Variants in PAK3 observed in about 807,000 individuals in gnomAD.
The protein encoded by PAK3 is p21 (RAC1) activated kinase 3.
In PAK3, 4 loss-of-function variants were observed where a neutral mutation model predicts 41.0. That is an observed-to-expected ratio of 0.10 (90% confidence interval 0.05 to 0.22). The LOEUF is 0.22. PAK3 is among the 10% of genes least tolerant of loss of function. The pLI is 1.00. For missense variants in PAK3, 205 were observed against 409.9 expected (o/e 0.50, Z 4.32); for synonymous variants, 146 against 139.6 (o/e 1.05, Z -0.32).
intron 5 of PAK3, among the ~76,000 whole-genome samples, chrX:111,127,300 C>A (rs940083070): frequency 9.0e-6 from 1 of 111,374 alleles, no homozygotes; most frequent in Non-Finnish European, 1.9e-5. Flanking sequence ...TGTAATTTCA[C>A]AATGTCTTTT....
At chrX:111,219,617 G>C (rs2094911353) in intron 17 of PAK3, among the ~76,000 whole-genome samples, 1 of 111,222 alleles carries the variant, frequency 9.0e-6, no homozygotes, top group Admixed American at 9.6e-5. Context: ...GGAAAACTAG[G>C]ACCAGAGTTC....
chrX:110,965,817 T>C, intron 1 of PAK3, among the ~76,000 whole-genome samples: 1 of 112,126 alleles, frequency 8.9e-6, no homozygotes, highest in Middle Eastern at 4.6e-3. Flanking sequence ...ATTCACTAAA[T>C]CCTCAAAATG....
At chrX:111,184,857 C>T (rs6642873) in intron 11 of PAK3, among the ~76,000 whole-genome samples, 14,076 of 111,051 alleles carry the variant, frequency 0.13, 1,786 homozygotes, top group African/African-American at 0.4. Context: ...CTGCAATAAA[C>T]GTACATGTAC....
chrX:111,022,656 A>G (rs1008270794), intron 1 of PAK3, among the ~76,000 whole-genome samples: 1 of 111,637 alleles, frequency 9.0e-6, no homozygotes, highest in African/African-American at 3.3e-5. Context: ...GGCAACAAAT[A>G]ACACAATGAA....
At chrX:110,991,717 G>C (rs1335646547) in intron 1 of PAK3, among the ~76,000 whole-genome samples, 1 of 111,950 alleles carries the variant, frequency 8.9e-6, no homozygotes, top group Non-Finnish European at 1.9e-5. Flanking sequence ...GACACATCTT[G>C]TTATTATTTT....
At chrX:110,983,480 C>CAGAGAGAGAG (rs768492408) in intron 1 of PAK3, among the ~76,000 whole-genome samples, 107 of 99,630 alleles carry the variant, frequency 1.1e-3, no homozygotes, top group African/African-American at 3.2e-3. Context: ...AAGAGAAAGA[C>CAGAGAGAGAG]AGAGAGAGAG....
intron 8 of PAK3, among the ~76,000 whole-genome samples, chrX:111,161,340 G>C (rs2094185249): frequency 9.0e-6 from 1 of 110,975 alleles, no homozygotes; most frequent in African/African-American, 3.3e-5. Context: ...AAATTTGTTT[G>C]AGTTCATTGT....
chrX:111,125,197 C>G (rs1289904082), intron 5 of PAK3, among the ~76,000 whole-genome samples: 1 of 111,733 alleles, frequency 8.9e-6, no homozygotes, highest in African/African-American at 3.3e-5. Context: ...GAGATAACTT[C>G]CCAAAGAGGC....
chrX:110,986,976 G>C (rs1478400287), intron 1 of PAK3, among the ~76,000 whole-genome samples: 1 of 112,289 alleles, frequency 8.9e-6, no homozygotes, highest in Non-Finnish European at 1.9e-5. Context: ...GGCAGAAACA[G>C]AGGGATGTTC....
chrX:111,069,435 C>A (rs1429155855), intron 1 of PAK3, among the ~76,000 whole-genome samples: 2 of 111,793 alleles, frequency 1.8e-5, no homozygotes, highest in Non-Finnish European at 3.8e-5. Flanking sequence ...TGCCTTCTTG[C>A]TCTTCAAACC....
In PAK3 at chrX:111,220,945, C is replaced by CAAAAAAAAAAAAAAAAAAAAAACAA; in HGVS notation, c.*515_*516insAAAAACAAAAAAAAAAAAAAAAAAA. 1 of 49,447 alleles carries CAAAAAAAAAAAAAAAAAAAAAACAA rather than the reference C, an allele frequency of 2.0e-5. No homozygotes were observed. Among genetic ancestry groups the CAAAAAAAAAAAAAAAAAAAAAACAA allele is most frequent in the African/African-American group, 8.5e-5 (1 of 11,723 alleles). The allele number at this position is 49,447 out of a possible 1,213,427, so 4.1% of individuals were successfully genotyped here. ...AAAAAAGAAAGCAAAAAAAGCAAGG[C>CAAAAAAAAAAAAAAAAAAAAAACAA]AAAAAAAAAAAAAAAAACAAACAAA... On this transcript the variant is annotated 3_prime_UTR_variant, in exon 18 of 18. Transcript: ENST00000372007.
Position 111,003,757 on chromosome X carries a change from G to A in PAK3, c.-28+59129G>A, listed in dbSNP as rs187086983. ...TTCAGCAAGCAGACACAGTGGAGTA[G>A]GAGGGGTTATTTCCAAAGAAGACAA... is the stretch of plus-strand genomic sequence containing the variant. On this transcript the variant is annotated intron_variant, in intron 1 of 14. Transcript: ENST00000425146. Among the ~76,000 whole-genome samples, 580 of 111,730 alleles carry A rather than the reference G, an allele frequency of 5.2e-3. 3 individuals are homozygous for A. Among genetic ancestry groups the A allele is most frequent in the African/African-American group, 0.018 (543 of 30,763 alleles).
chrX:110,991,880 G>GAA (rs199591326), intron 1 of PAK3, among the ~76,000 whole-genome samples: 3 of 107,495 alleles, frequency 2.8e-5, no homozygotes, highest in Non-Finnish European at 5.8e-5. Context: ...GATATGACAA[G>GAA]AAAAAAAAAC....
chrX:110,963,546 T>C (rs2091021515), intron 1 of PAK3, among the ~76,000 whole-genome samples: 1 of 112,690 alleles, frequency 8.9e-6, no homozygotes. Flanking sequence ...ATGTTCATGG[T>C]GAGTGGAGCC....
In PAK3 at chrX:110,949,646, C is replaced by T. The variant is rs973600162; in HGVS notation, c.-28+5018C>T. ...AGAGGTGGAATTGTCAATCTTAACT[C>T]GGAGGGAAATGGAAATGCTGGGATG... On this transcript the variant is annotated intron_variant, in intron 1 of 14. Coordinates refer to the PAK3 transcript ENST00000425146. 2.7e-5 allele frequency among the ~76,000 whole-genome samples: 3 copies of T among 111,049 alleles called. No homozygotes were observed. In the Admixed American group the frequency reaches 2.9e-4, roughly 11 times the overall value.
intron 11 of PAK3, among the ~76,000 whole-genome samples, chrX:111,177,622 C>T (rs1190532047): frequency 8.9e-6 from 1 of 111,761 alleles, no homozygotes; most frequent in Admixed American, 9.5e-5. Flanking sequence ...GAAATATATC[C>T]GGTGCGCACT....
At chrX:111,028,027 G>GTGTATATATATACATATATATA (rs57456281) in intron 1 of PAK3, among the ~76,000 whole-genome samples, 4 of 97,857 alleles carry the variant, frequency 4.1e-5, no homozygotes, top group Non-Finnish European at 8.0e-5. Flanking sequence ...ACATATATAT[G>GTGTATATATATACATATATATA]TGTGTATATA....
At chrX:111,031,675 A>G (rs1396580949) in intron 1 of PAK3, among the ~76,000 whole-genome samples, 3 of 111,655 alleles carry the variant, frequency 2.7e-5, no homozygotes, top group Non-Finnish European at 5.6e-5. Flanking sequence ...TGTCTTATTT[A>G]GGGGTTACTA....
intron 4 of PAK3, among the ~76,000 whole-genome samples, chrX:111,121,478 A>G (rs563074167): frequency 7.1e-5 from 8 of 112,038 alleles, no homozygotes; most frequent in African/African-American, 2.6e-4. Context: ...TCTCTACCTA[A>G]CATGATGTAA....
Sources: allele counts gnomAD v4.1 joint callset (sites outside exome capture counted in the v4.1 genomes callset), GRCh38; gene constraint gnomAD v4.1.1; transcripts MANE v1.5; gene names NCBI Gene and HGNC (gene_info 2026-07-23, HGNC 2026-07-21).